The following CD38 variants were observed in gnomAD, a reference collection of about 807,000 sequenced individuals.
The protein encoded by CD38 is ADP-ribosyl cyclase/cyclic ADP-ribose hydrolase 1.
A neutral mutation model predicts 36.3 loss-of-function variants in CD38; 31 were observed. That is an observed-to-expected ratio of 0.85 (90% CI 0.64 to 1.15). CD38 has a LOEUF of 1.15. Ranked by LOEUF, CD38 falls within the 50% of genes most tolerant of loss-of-function variation. The pLI, the probability that CD38 is intolerant of heterozygous loss-of-function variation, is 0.00. For synonymous variants in CD38, 131 were observed against 135.2 expected, an observed-to-expected ratio of 0.97 and a Z score of 0.22; for missense variants, 380 against 371.9, an observed-to-expected ratio of 1.02 and a Z score of -0.18.
At position 15,816,581 on chromosome 4, in the gene CD38, A is replaced by T; in HGVS notation, c.304A>T (p.Thr102Ser). 1 of 1,613,880 alleles carries T rather than the reference A, an allele frequency of 6.2e-7. No homozygotes were observed. Among genetic ancestry groups the T allele is most frequent in the East Asian group, 2.2e-5 (1 of 44,874 alleles). Residue 102 changes from threonine (T) to serine (S), a missense_variant, in exon 2 of 8, where the codon ACT becomes TCT. Transcript: ENST00000226279. ...TATTTCAAAACATCCTTGCAACATTACTGAAGAAGACTATCAGCCACTAAT... is the reference window on the plus strand; with the variant it reads ...TATTTCAAAACATCCTTGCAACATTTCTGAAGAAGACTATCAGCCACTAAT... ...AFISKHPCNI[T>S]EEDYQPLMKL... is the part of the protein sequence containing the mutation.
At chr4:15,783,158 CA>C (rs1406679512) in intron 1 of CD38, among the ~76,000 whole-genome samples, 1 of 152,128 alleles carries the variant, frequency 6.6e-6, no homozygotes, top group Non-Finnish European at 1.5e-5. Flanking sequence ...CAAGACTCAA[CA>C]AAGCGTTTGC....
intron 1 of CD38, among the ~76,000 whole-genome samples, chr4:15,782,068 C>G (rs1011396808): frequency 6.6e-6 from 1 of 152,132 alleles, no homozygotes; most frequent in Non-Finnish European, 1.5e-5. Context: ...GTCAGGCCTC[C>G]CTTCCTCTCT....
chr4:15,795,696 AT>A (rs1353616522), intron 1 of CD38, among the ~76,000 whole-genome samples: 2 of 151,888 alleles, frequency 1.3e-5, no homozygotes, highest in African/African-American at 2.4e-5. Context: ...GTTACAATTA[AT>A]TTTTTTTCTA....
chr4:15,826,086 T>G (rs1723838273), intron 3 of CD38: 1 of 152,126 alleles, frequency 6.6e-6, no homozygotes, highest in African/African-American at 2.4e-5. Context: ...TTTGCATTAC[T>G]TTCAATTACA....
Position 15,850,507 on chromosome 4 carries a change from A to G in CD38, c.*1905A>G, listed in dbSNP as rs951344763. 2 of 152,208 alleles carry G rather than the reference A, an allele frequency of 1.3e-5. No individual in the cohort carries two copies. Among genetic ancestry groups the G allele is most frequent in the Non-Finnish European group, 2.9e-5 (2 of 68,052 alleles). The allele number at this position is 152,208 out of a possible 1,614,324, so 9.4% of individuals were successfully genotyped here. ...GAACTTCAACTTCCTTGCCACTCAA[A>G]TAAGGATTACAAAACTTAAAATGTG... On this transcript the variant is annotated 3_prime_UTR_variant, in exon 8 of 8. Coordinates refer to ENST00000226279, the MANE Select transcript of CD38 (RefSeq NM_001775.4).
At position 15,787,848 on chromosome 4, in the gene CD38, G is replaced by A. The variant is rs539412426; in HGVS notation, c.233+9201G>A. On this transcript the variant is annotated intron_variant, in intron 1 of 7. Transcript: ENST00000226279. ...ACAGACATAATGCCGAAAGCCTGGA[G>A]CCAACGCAGTCTGTGGGTAATTAAC... 2.7e-4 allele frequency among the ~76,000 whole-genome samples: 41 copies of A among 152,292 alleles called. No individual in the cohort carries two copies. In the East Asian group the frequency reaches 7.9e-3, roughly 29 times the overall value.
rs1336080119 is a variant in CD38 at position 15,849,789 on chromosome 4, CAG to C, written c.*1188_*1189del. On this transcript the variant is annotated 3_prime_UTR_variant, in exon 8 of 8. Coordinates refer to ENST00000226279, the MANE Select transcript of CD38 (RefSeq NM_001775.4). ...ATTTCTTTGGGTAGATTTACGTATTCAGCTTCTTGAGATGGAAGTTTAGATCA... is the reference window on the plus strand; with the variant it reads ...ATTTCTTTGGGTAGATTTACGTATTCCTTCTTGAGATGGAAGTTTAGATCA... The C allele has an allele frequency of 1.3e-5, 2 of 152,120 alleles. No homozygotes were observed. The highest frequency in any genetic ancestry group is 3.8e-4 in the East Asian group (2 of 5,204). The allele number at this position is 152,120 out of a possible 1,614,324, so 9.4% of individuals were successfully genotyped here.
intron 1 of CD38, among the ~76,000 whole-genome samples, chr4:15,784,238 A>G (rs770845934): frequency 6.6e-6 from 1 of 152,234 alleles, no homozygotes; most frequent in African/African-American, 2.4e-5. Flanking sequence ...TGAGTGGAGT[A>G]CCAGCACAAT....
intron 7 of CD38, among the ~76,000 whole-genome samples, chr4:15,841,338 C>T (rs1221400365): frequency 1.3e-5 from 2 of 152,184 alleles, no homozygotes; most frequent in Admixed American, 6.5e-5. Flanking sequence ...TTCCATGTCA[C>T]TACCTTCTCT....
rs573116687 is a variant in CD38 at position 15,839,785 on chromosome 4, T to C, written c.660-241T>C. ...CATTAGGTTGGTCTAAGGACCACTC[T>C]TCAAATAGCAAATATTTAAAGAATC... On this transcript the variant is annotated intron_variant, in intron 5 of 7. Transcript: ENST00000226279. Among the ~76,000 whole-genome samples the C allele has an allele frequency of 8.5e-5, 13 of 152,322 alleles. No homozygotes were observed. In the South Asian group the frequency reaches 2.5e-3, roughly 29 times the overall value.
At chr4:15,841,778 C>T (rs574135005) in intron 7 of CD38, among the ~76,000 whole-genome samples, 5 of 141,774 alleles carry the variant, frequency 3.5e-5, no homozygotes, top group South Asian at 2.3e-4. Flanking sequence ...GTTCCCTTTC[C>T]GAGTCAAAGA....
chr4:15,821,380 C>CAA (rs199562926), intron 2 of CD38, among the ~76,000 whole-genome samples: 1 of 144,296 alleles, frequency 6.9e-6, no homozygotes, highest in Admixed American at 6.9e-5. Context: ...AAATCCCTTC[C>CAA]AAAAAAAAAT....
At chr4:15,829,326 AT>A (rs772984081) in intron 3 of CD38, among the ~76,000 whole-genome samples, 2 of 152,168 alleles carry the variant, frequency 1.3e-5, no homozygotes, top group East Asian at 3.9e-4. Context: ...ATCATGAAAA[AT>A]GTCTCTTTCC....
intron 1 of CD38, among the ~76,000 whole-genome samples, chr4:15,800,045 A>G (rs1318987728): frequency 6.6e-6 from 1 of 152,168 alleles, no homozygotes; most frequent in Non-Finnish European, 1.5e-5. Flanking sequence ...CTGCAGAAAA[A>G]TGTATAAAAA....
At chr4:15,838,431 T>C (rs1204829677) in intron 5 of CD38, among the ~76,000 whole-genome samples, 1 of 152,064 alleles carries the variant, frequency 6.6e-6, no homozygotes, top group East Asian at 1.9e-4. Flanking sequence ...GCAGGCCTGG[T>C]GTAATTTTCT....
intron 4 of CD38, among the ~76,000 whole-genome samples, chr4:15,835,012 G>A (rs1577659028): frequency 1.3e-5 from 2 of 152,046 alleles, no homozygotes; most frequent in African/African-American, 2.4e-5. Flanking sequence ...CTGTCATCTC[G>A]AACATTTATC....
intron 1 of CD38, among the ~76,000 whole-genome samples, chr4:15,805,527 T>A (rs1399176813): frequency 6.6e-6 from 1 of 152,210 alleles, no homozygotes; most frequent in Non-Finnish European, 1.5e-5. Context: ...ATAACTTACA[T>A]ATTCATTATG....
chr4:15,825,039 A>ATTG (rs1490372200), intron 3 of CD38, 23 bp downstream of exon 3: 2 of 1,589,074 alleles, frequency 1.3e-6, no homozygotes, highest in African/African-American at 2.7e-5. Flanking sequence ...GCCCTGTGGG[A>ATTG]TTGCCCAGGG....
intron 2 of CD38, among the ~76,000 whole-genome samples, chr4:15,820,477 AT>A (rs1723708295): frequency 6.6e-6 from 1 of 152,224 alleles, no homozygotes; most frequent in Admixed American, 6.5e-5. Flanking sequence ...TAGGCTCAAA[AT>A]AAGGGATGGA....
Sources: gnomAD v4.1 joint callset for allele counts (sites outside exome capture counted in the v4.1 genomes callset) on GRCh38, gnomAD v4.1.1 for gene constraint, MANE v1.5 for transcripts, NCBI Gene and HGNC (gene_info 2026-07-23, HGNC 2026-07-21) for gene names.